Variants in ARL13B observed in about 807,000 individuals in gnomAD.
The protein encoded by ARL13B is ARF like GTPase 13B.
A neutral mutation model predicts 56.1 loss-of-function variants in ARL13B; 36 were observed. The observed-to-expected ratio is 0.64, with a 90% CI of 0.49 to 0.85. The LOEUF (loss-of-function observed/expected upper bound fraction) is 0.85, where lower values mean the gene tolerates loss of function less well. Among genes scored for constraint, ARL13B ranks in the 40% least tolerant of loss-of-function variants. The pLI is 0.00. For synonymous variants in ARL13B, 178 were observed against 171.1 expected (o/e 1.04, Z -0.32); for missense variants, 519 against 507.1 (o/e 1.02, Z -0.23).
At chr3:93,993,632 C>T (rs977775698) in intron 1 of ARL13B, among the ~76,000 whole-genome samples, 1 of 152,160 alleles carries the variant, frequency 6.6e-6, no homozygotes, top group Admixed American at 6.5e-5. Flanking sequence ...TCTGGATAGT[C>T]ATTTACTATA....
Position 94,003,920 on chromosome 3 carries a change from TAGCATC to T in ARL13B, c.380+14_380+19del. On this transcript the variant is annotated intron_variant, in intron 3 of 9. Transcript: ENST00000394222. ...AAGCCTATATTGGTGTAAGTAATGT[TAGCATC>T]ATTGTAAATGTAGGGACGATGGCAT... is the stretch of plus-strand genomic sequence containing the variant. 1 of 1,613,072 alleles carries T rather than the reference TAGCATC, an allele frequency of 6.2e-7. No individual in the cohort carries two copies. The highest frequency in any genetic ancestry group is 8.5e-7 in the Non-Finnish European group (1 of 1,179,516).
chr3:94,011,491 A>G (rs1033985171), intron 3 of ARL13B, among the ~76,000 whole-genome samples: 1 of 152,284 alleles, frequency 6.6e-6, no homozygotes, highest in South Asian at 2.1e-4. Context: ...TTAAGGAAAT[A>G]GAAACCATCG....
intron 3 of ARL13B, chr3:94,015,426 G>T: frequency 3.8e-6 from 2 of 529,388 alleles, no homozygotes; most frequent in East Asian, 3.1e-5. Flanking sequence ...AAAAACCAAT[G>T]AGTTTCCTCA....
intron 7 of ARL13B, among the ~76,000 whole-genome samples, chr3:94,044,462 CCGTCTGGGAAGTGGGG>C (rs2076939735): frequency 7.0e-6 from 1 of 142,838 alleles, no homozygotes; most frequent in Non-Finnish European, 1.5e-5. Context: ...CCCGGCCACC[CCGTCTGGGAAGTGGGG>C]AGCGCCTCTG....
rs1417271769 is a variant in ARL13B, at chr3:94,036,729, C to G, written c.664C>G (p.Arg222Gly). The G allele has an allele frequency of 1.9e-6, 3 of 1,612,802 alleles. No homozygotes were observed. Among genetic ancestry groups the G allele is most frequent in the Admixed American group, 1.7e-5 (1 of 59,962 alleles). Residue 222 changes from arginine to glycine, a missense_variant, in exon 5 of 10, where the codon CGA (arginine) becomes GGA (glycine). Arg to Gly is a moderately radical substitution (Grantham distance 125, BLOSUM62 -2). Coordinates refer to ENST00000394222, the MANE Select transcript of ARL13B (RefSeq NM_001174150.2). ...EEQEKQERAE[R>G]VRKLREERKQ... ...ACAAGAGAAACAAGAAAGAGCTGAA[C>G]GAGTGCGAAAATTACGAGAAGAAAG...
At chr3:94,042,947 T>A in intron 6 of ARL13B, 68 bp from the exon 7 acceptor site, 1 of 1,314,322 alleles carries the variant, frequency 7.6e-7, no homozygotes, top group East Asian at 2.5e-5. Context: ...GTATTTGATT[T>A]CCTCTCCCTT....
Position 93,981,585 on chromosome 3 carries a change from T to A in ARL13B, c.59+1103T>A, listed in dbSNP as rs536332464. 6.1e-4 allele frequency among the ~76,000 whole-genome samples: 93 copies of A among 151,998 alleles called. 2 individuals carry two copies. Among genetic ancestry groups the A allele is most frequent in the Non-Finnish European group, 2.2e-4 (15 of 67,986 alleles). On this transcript the variant is annotated intron_variant, in intron 1 of 9. Coordinates refer to ENST00000394222, the MANE Select transcript of ARL13B (RefSeq NM_001174150.2). ...TAAATATAAGTAGTAAGATCAACTC[T>A]GTAAGTCAAAGATGGGCTGGGTGTG...
rs1230862427 is a variant in ARL13B, at chr3:94,049,402, G to A, written c.1025-4G>A. On this transcript the variant is annotated splice_region_variant and splice_polypyrimidine_tract_variant and intron_variant, in intron 7 of 9. Transcript: ENST00000394222. ...CATGAAGTTTCATGTTTATATTCTT[G>A]TAGCTAATGGTAAAAAGAAAACTAA... 6.5e-7 allele frequency: 1 copy of A among 1,540,786 alleles called. No homozygotes were observed. Among genetic ancestry groups the A allele is most frequent in the East Asian group, 2.3e-5 (1 of 44,252 alleles).
At chr3:94,006,442 T>C (rs1202810955) in intron 3 of ARL13B, among the ~76,000 whole-genome samples, 1 of 152,174 alleles carries the variant, frequency 6.6e-6, no homozygotes, top group Non-Finnish European at 1.5e-5. Flanking sequence ...CTTATTGATG[T>C]TACTGTCTTA....
intron 3 of ARL13B, among the ~76,000 whole-genome samples, chr3:94,030,097 G>A (rs907641981): frequency 6.6e-6 from 1 of 152,114 alleles, no homozygotes; most frequent in African/African-American, 2.4e-5. Context: ...AATAATGGGA[G>A]GATGAACTAA....
At chr3:94,021,876 T>C (rs1008594921) in intron 3 of ARL13B, among the ~76,000 whole-genome samples, 2 of 152,170 alleles carry the variant, frequency 1.3e-5, no homozygotes, top group African/African-American at 2.4e-5. Flanking sequence ...AAATAAGCTT[T>C]TTAAAAATGT....
At chr3:94,043,901 G>T (rs1417144676) in intron 7 of ARL13B, among the ~76,000 whole-genome samples, 1 of 150,948 alleles carries the variant, frequency 6.6e-6, no homozygotes, top group Non-Finnish European at 1.5e-5. Flanking sequence ...TGGGTGATCC[G>T]CCCACCTCGG....
At chr3:94,020,460 A>G (rs1225411151) in intron 3 of ARL13B, among the ~76,000 whole-genome samples, 1 of 152,142 alleles carries the variant, frequency 6.6e-6, no homozygotes, top group African/African-American at 2.4e-5. Flanking sequence ...AGCATACTAG[A>G]GCATAGTAAC....
intron 1 of ARL13B, among the ~76,000 whole-genome samples, chr3:93,987,067 A>T (rs1157477573): frequency 1.3e-5 from 2 of 152,188 alleles, no homozygotes; most frequent in African/African-American, 2.4e-5. Context: ...AGGTGTTCAA[A>T]TGATTGTGAT....
chr3:94,023,427 A>G (rs1001267049), intron 3 of ARL13B, among the ~76,000 whole-genome samples: 1 of 151,756 alleles, frequency 6.6e-6, no homozygotes, highest in African/African-American at 2.4e-5. Flanking sequence ...GTCTTGATGC[A>G]TTTATTTGGT....
chr3:94,011,212 C>T (rs920678046), intron 3 of ARL13B, among the ~76,000 whole-genome samples: 3 of 152,206 alleles, frequency 2.0e-5, no homozygotes, highest in East Asian at 3.9e-4. Flanking sequence ...GACATATTTT[C>T]CTTCATCATA....
chr3:94,022,937 G>A (rs1049224311), intron 3 of ARL13B, among the ~76,000 whole-genome samples: 1 of 151,656 alleles, frequency 6.6e-6, no homozygotes, highest in African/African-American at 2.4e-5. Flanking sequence ...ATATCCTCTT[G>A]ACATATTTAA....
At chr3:93,989,006 C>G (rs942116982) in intron 1 of ARL13B, 2 of 265,870 alleles carry the variant, frequency 7.5e-6, no homozygotes, top group Non-Finnish European at 1.5e-5. Context: ...AGAGCCTTCG[C>G]GAAGCTGGGC....
At chr3:94,015,362 C>T in intron 3 of ARL13B, 2 of 1,052,246 alleles carry the variant, frequency 1.9e-6, no homozygotes, top group East Asian at 2.6e-5. Context: ...ACATAACTGT[C>T]TATATCCCAG....
Sources: allele counts gnomAD v4.1 joint callset (sites outside exome capture counted in the v4.1 genomes callset), GRCh38; gene constraint gnomAD v4.1.1; transcripts MANE v1.5; gene names NCBI Gene and HGNC (gene_info 2026-07-23, HGNC 2026-07-21).